The following OPA1 variants were observed in gnomAD, a reference collection of about 807,000 sequenced individuals.
The protein encoded by OPA1 is OPA1 mitochondrial dynamin like GTPase.
A neutral mutation model predicts 152.9 loss-of-function variants in OPA1; 59 were observed. The observed-to-expected ratio is 0.39, with a 90% confidence interval of 0.31 to 0.48. The LOEUF (loss-of-function observed/expected upper bound fraction) is 0.48. OPA1 is among the 20% of genes least tolerant of loss of function. The probability of loss-of-function intolerance (pLI) is 0.96; values close to 1 mark genes in which losing one functional copy is unlikely to be tolerated. For missense variants in OPA1, 1,008 were observed against 1,216.8 expected, an observed-to-expected ratio of 0.83 and a Z score of 2.55; for synonymous variants, 400 against 389.9, an observed-to-expected ratio of 1.03 and a Z score of -0.31.
chr3:193,693,245 T>C (rs537145258), intron 30 of OPA1, among the ~76,000 whole-genome samples: 1 of 152,344 alleles, frequency 6.6e-6, no homozygotes, highest in African/African-American at 2.4e-5. Flanking sequence ...ACAACTTCCA[T>C]GGTACATCAT....
intron 6 of OPA1, among the ~76,000 whole-genome samples, chr3:193,619,222 G>A (rs775329038): frequency 2.0e-5 from 3 of 152,160 alleles, no homozygotes; most frequent in African/African-American, 4.8e-5. Flanking sequence ...AGAAAGGCTC[G>A]TTTAGACAAG....
At chr3:193,637,305 C>CT (rs776188051) in intron 10 of OPA1, 24 bp downstream of exon 10, 2 of 1,489,666 alleles carry the variant, frequency 1.3e-6, no homozygotes, top group Non-Finnish European at 1.9e-6. Context: ...TGATAGTGAA[C>CT]TTGCCAATTA....
chr3:193,641,792 G>T (rs1287683210), intron 11 of OPA1, among the ~76,000 whole-genome samples: 1 of 152,240 alleles, frequency 6.6e-6, no homozygotes, highest in Admixed American at 6.5e-5. Context: ...AAGTTCTTGT[G>T]AAACCACTGA....
chr3:193,666,575 G>A (rs1254130944), intron 28 of OPA1, among the ~76,000 whole-genome samples, 186 bp downstream of exon 28: 1 of 152,102 alleles, frequency 6.6e-6, no homozygotes, highest in Non-Finnish European at 1.5e-5. Flanking sequence ...ACCGCTTGAG[G>A]CCTGTAGTTT....
At chr3:193,676,847 G>A (rs987618429) in intron 29 of OPA1, among the ~76,000 whole-genome samples, 11 of 152,042 alleles carry the variant, frequency 7.2e-5, no homozygotes, top group Non-Finnish European at 1.2e-4. Context: ...CAGGCGTGGT[G>A]GCGGGCGCCT....
intron 1 of OPA1, among the ~76,000 whole-genome samples, chr3:193,609,194 C>G (rs1284905074): frequency 6.6e-6 from 1 of 152,082 alleles, no homozygotes; most frequent in East Asian, 1.9e-4. Flanking sequence ...GAGCATTTAG[C>G]CCATTTACAT....
At chr3:193,627,316 G>A (rs1051876878) in intron 7 of OPA1, 11 of 151,946 alleles carry the variant, frequency 7.2e-5, no homozygotes, top group African/African-American at 2.4e-4. Context: ...ATTTAGCTTC[G>A]GTGAGCAAAA....
At chr3:193,643,284 G>A (rs370528463) in intron 13 of OPA1, 89 bp from the exon 14 acceptor site, 3 of 1,073,666 alleles carry the variant, frequency 2.8e-6, no homozygotes, top group Admixed American at 1.8e-5. Flanking sequence ...ATGAGATATA[G>A]AATTTTTAGA....
chr3:193,671,043 A>G (rs751837414), intron 29 of OPA1, among the ~76,000 whole-genome samples: 8 of 152,214 alleles, frequency 5.3e-5, no homozygotes, highest in Non-Finnish European at 1.2e-4. Context: ...AACTCATTGA[A>G]TGAAATAGGA....
chr3:193,630,904 A>G (rs1731976185), intron 7 of OPA1, among the ~76,000 whole-genome samples: 1 of 152,184 alleles, frequency 6.6e-6, no homozygotes, highest in Admixed American at 6.5e-5. Context: ...AATTTGAAGT[A>G]GTTTACACAA....
intron 29 of OPA1, among the ~76,000 whole-genome samples, chr3:193,676,743 G>C (rs1176080398): frequency 6.6e-6 from 1 of 152,134 alleles, no homozygotes; most frequent in Non-Finnish European, 1.5e-5. Flanking sequence ...CACTTTAGGA[G>C]GCCAAGGTGG....
chr3:193,611,935 TC>T (rs1299819760), intron 1 of OPA1, among the ~76,000 whole-genome samples: 1 of 152,216 alleles, frequency 6.6e-6, no homozygotes, highest in Non-Finnish European at 1.5e-5. Flanking sequence ...CAGCGATTTT[TC>T]TAGCTATTTT....
chr3:193,675,289 C>G (rs1718716314), intron 29 of OPA1, among the ~76,000 whole-genome samples: 1 of 130,826 alleles, frequency 7.6e-6, no homozygotes, highest in Non-Finnish European at 1.5e-5. Context: ...TTGTAGAATT[C>G]TAGGTATGTA....
At position 193,668,123 on chromosome 3, in the gene OPA1, T is replaced by C. The variant is rs187695798; in HGVS notation, c.2983+843T>C. The stretch of plus-strand genomic sequence containing the variant: ...GTGTATATTTATTTATTAAAAACTG[T>C]GAGTTGATGCTGATACTTCCCATTT... On this transcript the variant is annotated intron_variant, in intron 29 of 30. Transcript: ENST00000361510. Among the ~76,000 whole-genome samples the C allele has an allele frequency of 3.2e-3, 488 of 152,290 alleles. 1 individual carries two copies. The highest frequency in any genetic ancestry group is 5.7e-3 in the Non-Finnish European group (388 of 68,028).
Position 193,604,860 on chromosome 3 carries a change from C to CAAAAAAAAAAAAA in OPA1, c.33-9860_33-9848dup, listed in dbSNP as rs55904490. 1.9e-3 allele frequency among the ~76,000 whole-genome samples: 200 copies of CAAAAAAAAAAAAA among 104,514 alleles called. 1 individual carries two copies. Among genetic ancestry groups the CAAAAAAAAAAAAA allele is most frequent in the African/African-American group, 7.3e-3 (189 of 25,986 alleles). 68.6% of individuals were successfully genotyped at this position (104,514 alleles called of 152,430 possible). ...GGGCAACAAGAGTGAAACTCCATCTCAAAAAAAAAAAAAAAGAAAAAAGAA... is the reference window on the plus strand; with the variant it reads ...GGGCAACAAGAGTGAAACTCCATCTCAAAAAAAAAAAAAAAAAAAAAAAAAAAAGAAAAAAGAA... On this transcript the variant is annotated intron_variant, in intron 1 of 30. Transcript: ENST00000361510.
intron 23 of OPA1, 145 bp from the exon 24 acceptor site, chr3:193,658,742 T>C (rs1457204356): frequency 7.7e-6 from 5 of 645,522 alleles, no homozygotes; most frequent in South Asian, 1.7e-5. Flanking sequence ...AAGAAGCTTA[T>C]GCATTTTTAT....
intron 29 of OPA1, among the ~76,000 whole-genome samples, chr3:193,685,133 C>T (rs1445570964): frequency 6.6e-6 from 1 of 151,936 alleles, no homozygotes; most frequent in Admixed American, 6.6e-5. Context: ...AACCCCATCA[C>T]TACTAAAAAT....
chr3:193,648,991 G>C (rs960259526), intron 21 of OPA1, 120 bp downstream of exon 21: 2 of 704,544 alleles, frequency 2.8e-6, no homozygotes, highest in African/African-American at 3.6e-5. Flanking sequence ...AGGCAAAAAC[G>C]TAATAGTATA....
intron 15 of OPA1, 78 bp from the exon 16 acceptor site, chr3:193,643,897 G>A: frequency 7.2e-7 from 1 of 1,397,508 alleles, no homozygotes; most frequent in Non-Finnish European, 1.0e-6. Context: ...GTAGACACAG[G>A]GGTATAATTT....
Sources: allele counts gnomAD v4.1 joint callset (sites outside exome capture counted in the v4.1 genomes callset), GRCh38; gene constraint gnomAD v4.1.1; transcripts MANE v1.5; gene names NCBI Gene and HGNC (gene_info 2026-07-23, HGNC 2026-07-21).